The following RANBP2 variants were observed in gnomAD, a reference collection of about 807,000 sequenced individuals.
RANBP2 encodes the protein E3 SUMO-protein ligase RanBP2.
In RANBP2, 57 loss-of-function variants were observed where a neutral mutation model predicts 303.6. The ratio of observed to expected loss-of-function variants is 0.19; its 90% CI spans 0.15 to 0.23. The LOEUF is 0.23. Ranked by LOEUF, RANBP2 falls within the 10% of genes least tolerant of loss-of-function variation. RANBP2 has a pLI of 1.00. For synonymous variants in RANBP2, 1,167 were observed against 1,301.5 expected, an observed-to-expected ratio of 0.90 and a Z score of 2.23; for missense variants, 3,138 against 3,780.8, an observed-to-expected ratio of 0.83 and a Z score of 4.46.
chr2:109,687,599 A>G, the RANBP2 span, among the ~76,000 whole-genome samples: 1 of 152,014 alleles, frequency 6.6e-6, no homozygotes, highest in Non-Finnish European at 1.5e-5. Context: ...CAGTACATTT[A>G]CTGTCTTCAA....
chr2:109,291,602 G>A, the RANBP2 span, among the ~76,000 whole-genome samples: 1 of 152,250 alleles, frequency 6.6e-6, no homozygotes, highest in Non-Finnish European at 1.5e-5. Context: ...CTGAGCCCAG[G>A]CAGCTCCTCG....
chr2:108,879,524 A>G, the RANBP2 span, among the ~76,000 whole-genome samples: 1 of 152,238 alleles, frequency 6.6e-6, no homozygotes, highest in Non-Finnish European at 1.5e-5. Flanking sequence ...CCAACTGCAT[A>G]TGACAGAAAC....
Position 108,763,334 on chromosome 2 carries a change from G to A in RANBP2, c.2795G>A (p.Cys932Tyr), listed in dbSNP as rs757938408. The change falls in exon 20 of 29, where the codon TGT (cysteine) becomes TAT (tyrosine). Residue 932 changes from cysteine to tyrosine, a missense_variant. Physicochemically the swap from Cys to Tyr is radical, Grantham distance 194. Transcript: ENST00000283195. Reference sequence around the variant, plus strand: ...CCGCCAGTGCAAAGCTCATCTGCTTGTATGTTCTCTCAGGAGATGTATGGT... The same window carrying A: ...CCGCCAGTGCAAAGCTCATCTGCTTATATGTTCTCTCAGGAGATGTATGGT... ...HTPPVQSSSA[C>Y]MFSQEMYGPP... 1.1e-5 allele frequency: 17 copies of A among 1,613,852 alleles called. No homozygotes were observed. Among genetic ancestry groups the A allele is most frequent in the Non-Finnish European group, 1.4e-5 (17 of 1,179,980 alleles).
the RANBP2 span, among the ~76,000 whole-genome samples, chr2:109,165,475 G>A: frequency 1.3e-5 from 2 of 152,190 alleles, no homozygotes; most frequent in Admixed American, 6.5e-5. Context: ...ATAGAGAGAA[G>A]TCTTAAGACA....
chr2:109,376,917 T>C, the RANBP2 span, among the ~76,000 whole-genome samples: 2 of 152,320 alleles, frequency 1.3e-5, no homozygotes, highest in East Asian at 1.9e-4. Context: ...TGTGCCTAGA[T>C]AGACCCTAGT....
the RANBP2 span, among the ~76,000 whole-genome samples, chr2:109,140,126 C>T: frequency 3.3e-5 from 5 of 152,274 alleles, no homozygotes; most frequent in East Asian, 1.9e-4. Context: ...CTCTGTCCAC[C>T]GTCCCCTCCT....
chr2:109,715,112 C>A, the RANBP2 span, among the ~76,000 whole-genome samples: 3 of 151,818 alleles, frequency 2.0e-5, no homozygotes, highest in Non-Finnish European at 4.4e-5. Flanking sequence ...GGATTACAGG[C>A]ATATGCTACC....
At chr2:109,167,357 A>C in the RANBP2 span, among the ~76,000 whole-genome samples, 1 of 152,210 alleles carries the variant, frequency 6.6e-6, no homozygotes, top group African/African-American at 2.4e-5. Flanking sequence ...GAATTGAATT[A>C]TTAGCTCTCT....
At chr2:109,242,402 C>CA in the RANBP2 span, among the ~76,000 whole-genome samples, 1 of 152,156 alleles carries the variant, frequency 6.6e-6, no homozygotes, top group East Asian at 1.9e-4. Flanking sequence ...TGCAGATGGT[C>CA]ACACCCATAG....
the RANBP2 span, among the ~76,000 whole-genome samples, chr2:109,659,865 G>GT: frequency 6.6e-6 from 1 of 152,158 alleles, no homozygotes; most frequent in Non-Finnish European, 1.5e-5. Flanking sequence ...CCCCGGCCAG[G>GT]TATGAGGGTT....
chr2:108,936,525 C>T, the RANBP2 span, among the ~76,000 whole-genome samples: 5 of 152,282 alleles, frequency 3.3e-5, no homozygotes, highest in African/African-American at 9.6e-5. Context: ...CGGCCTCCCA[C>T]GCTCTCCTTC....
the RANBP2 span, among the ~76,000 whole-genome samples, chr2:108,984,477 T>C: frequency 6.6e-6 from 1 of 152,102 alleles, no homozygotes; most frequent in Non-Finnish European, 1.5e-5. Context: ...CCTCTCCTTC[T>C]GTTCAACCCT....
chr2:109,295,564 T>A, the RANBP2 span, among the ~76,000 whole-genome samples: 26 of 152,186 alleles, frequency 1.7e-4, no homozygotes, highest in Admixed American at 1.7e-3. Context: ...GAGGTCTCAC[T>A]GTGGAGGGCC....
chr2:108,968,344 T>G, the RANBP2 span, among the ~76,000 whole-genome samples: 1 of 152,172 alleles, frequency 6.6e-6, no homozygotes, highest in African/African-American at 2.4e-5. Flanking sequence ...CTTTTTTTGT[T>G]TTTTGGATTA....
At chr2:108,987,277 A>C in the RANBP2 span, among the ~76,000 whole-genome samples, 1 of 152,244 alleles carries the variant, frequency 6.6e-6, no homozygotes. Flanking sequence ...CCCAGCTTCC[A>C]TCTGTGGGCC....
At chr2:109,614,264 A>G in the RANBP2 span, 2 of 686,060 alleles carry the variant, frequency 2.9e-6, no homozygotes, top group Admixed American at 4.7e-5. Flanking sequence ...CGGGGAGCGG[A>G]AGTGGGCGTG....
At chr2:109,123,324 TTCC>T in the RANBP2 span, among the ~76,000 whole-genome samples, 1,269 of 24,172 alleles carry the variant, frequency 0.052, 8 homozygotes, top group South Asian at 0.2. Flanking sequence ...CTTTCTTTCC[TTCC>T]TTCCTTCCTT....
chr2:109,701,012 G>A, the RANBP2 span, among the ~76,000 whole-genome samples: 2 of 152,180 alleles, frequency 1.3e-5, no homozygotes, highest in Non-Finnish European at 2.9e-5. Context: ...ACAGCCTCTT[G>A]TGGCTGAGGG....
the RANBP2 span, among the ~76,000 whole-genome samples, chr2:108,927,522 G>A: frequency 1.9e-3 from 296 of 152,260 alleles, 8 homozygotes; most frequent in South Asian, 0.052. Flanking sequence ...CCTGGCCTTC[G>A]GGTACTGATG....
Sources: gnomAD v4.1 joint callset for allele counts (sites outside exome capture counted in the v4.1 genomes callset) on GRCh38, gnomAD v4.1.1 for gene constraint, MANE v1.5 for transcripts, NCBI Gene and HGNC (gene_info 2026-07-23, HGNC 2026-07-21) for gene names.